EIF2B5: variants seen among roughly 807,000 people sequenced by gnomAD.
The protein encoded by EIF2B5 is eukaryotic translation initiation factor 2B subunit epsilon.
Under a neutral mutation model 87.3 loss-of-function variants are expected in EIF2B5, and 38 were observed. The ratio of observed to expected loss-of-function variants is 0.44; its 90% CI spans 0.34 to 0.57. The LOEUF is 0.57. EIF2B5 is among the 20% of genes least tolerant of loss of function. The pLI is 0.02. For missense variants in EIF2B5, 784 were observed against 909.5 expected (o/e 0.86, Z 1.78); for synonymous variants, 313 against 339.6 (o/e 0.92, Z 0.86).
chr3:184,144,792 G>C, intron 15 of EIF2B5, 85 bp downstream of exon 15: 1 of 1,583,040 alleles, frequency 6.3e-7, no homozygotes, highest in South Asian at 1.1e-5. Flanking sequence ...TTGGTTTCTG[G>C]GGCTCTGGTT....
chr3:184,136,857 T>G (rs1713385097), intron 2 of EIF2B5, 121 bp downstream of exon 2: 2 of 1,413,728 alleles, frequency 1.4e-6, no homozygotes, highest in East Asian at 4.6e-5. Context: ...TCATTGTAAG[T>G]TCTAAGGGTA....
At chr3:184,138,844 TAG>T (rs1403388441) in intron 5 of EIF2B5, 1 of 277,812 alleles carries the variant, frequency 3.6e-6, no homozygotes, top group Non-Finnish European at 7.2e-6. Flanking sequence ...TATTTTTTTG[TAG>T]AGACGGGGTT....
chr3:184,135,558 C>T lies in EIF2B5; in HGVS notation c.173C>T (p.Pro58Leu), dbSNP rs1403605836. The change falls in exon 1 of 16, where the codon CCC becomes CTC. Residue 58 changes from proline to leucine, a missense_variant. Around this residue, in one of 3 missense-constraint regions of EIF2B5, gnomAD observed 117 missense variants for 101.0 expected, o/e 1.16. Coordinates refer to ENST00000648915, the MANE Select transcript of EIF2B5 (RefSeq NM_003907.3). The stretch of plus-strand genomic sequence containing the variant: ...GATAGCTTCGATCGCCGCTTCTTCC[C>T]CATCTCCAAGGACCAGCCTCGGGTG... ...VADSFDRRFF[P>L]ISKDQPRVLL... The T allele has an allele frequency of 1.3e-6, 2 of 1,590,756 alleles. No individual in the cohort carries two copies. Among genetic ancestry groups the T allele is most frequent in the Non-Finnish European group, 1.7e-6 (2 of 1,169,902 alleles).
At chr3:184,143,922 T>G (rs536319390) in intron 13 of EIF2B5, 177 bp from the exon 14 acceptor site, 1 of 993,920 alleles carries the variant, frequency 1.0e-6, no homozygotes, top group Admixed American at 1.8e-5. Context: ...TCACCTTCCC[T>G]AAGGAATCTC....
Position 184,137,784 on chromosome 3 carries a change from C to T in EIF2B5, c.485C>T (p.Thr162Ile). ...GATGTCATCTCAAACATCAATATCA[C>T]CAGAGCCCTTGAGGAACACAGGTCA... ...YGDVISNINI[T>I]RALEEHRLRR... The change falls in exon 3 of 16, where the codon ACC (threonine) becomes ATC (isoleucine). Residue 162 changes from threonine (T) to isoleucine (I), a missense_variant. Around this residue, in one of 3 missense-constraint regions of EIF2B5, gnomAD observed 660 missense variants for 789.5 expected, o/e 0.84. Transcript: ENST00000648915. 2 of 1,614,148 alleles carry T rather than the reference C, an allele frequency of 1.2e-6. No homozygotes were observed. The highest frequency in any genetic ancestry group is 1.6e-4 in the Middle Eastern group (1 of 6,062).
At position 184,140,062 on chromosome 3, in the gene EIF2B5, T is replaced by G. The variant is rs745723448; in HGVS notation, c.766-18T>G. On this transcript the variant is annotated intron_variant, in intron 5 of 15. Coordinates refer to ENST00000648915, the MANE Select transcript of EIF2B5 (RefSeq NM_003907.3). Reference sequence around the variant, plus strand: ...AGAATAGTACTTAATTCTAGCCCACTCCACTTCCCTTCCACAGGTGGCACA... The same window carrying G: ...AGAATAGTACTTAATTCTAGCCCACGCCACTTCCCTTCCACAGGTGGCACA... 51 of 1,577,398 alleles carry G rather than the reference T, an allele frequency of 3.2e-5. No individual in the cohort carries two copies. The highest frequency in any genetic ancestry group is 1.7e-4 in the Middle Eastern group (1 of 5,878).
At chr3:184,141,572 G>GA (rs1022925698) in intron 7 of EIF2B5, among the ~76,000 whole-genome samples, 15 of 151,362 alleles carry the variant, frequency 9.9e-5, no homozygotes, top group African/African-American at 3.6e-4. Flanking sequence ...TGTCTCAAAA[G>GA]AAAAAAAAGA....
rs1305446265 is a variant in EIF2B5, at chr3:184,138,007, G to C, written c.616G>C (p.Asp206His). 25 of 1,614,234 alleles carry C rather than the reference G, an allele frequency of 1.5e-5. No individual in the cohort carries two copies. Among genetic ancestry groups the C allele is most frequent in the Non-Finnish European group, 2.1e-5 (25 of 1,180,038 alleles). The change falls in exon 4 of 16, where the codon GAT (aspartate) becomes CAT (histidine). Residue 206 changes from aspartate to histidine, a missense_variant. Physicochemically the swap from Asp to His is moderately conservative, Grantham distance 81. Transcript: ENST00000648915. ...CGAAGACAATGTGGTAGTGGCTGTGGATAGTACCACAAACAGGGTTCTCCA... is the reference window on the plus strand; with the variant it reads ...CGAAGACAATGTGGTAGTGGCTGTGCATAGTACCACAAACAGGGTTCTCCA... ...CHEDNVVVAV[D>H]STTNRVLHFQ...
At position 184,138,065 on chromosome 3, in the gene EIF2B5, C is replaced by T; in HGVS notation, c.674C>T (p.Ala225Val). The T allele has an allele frequency of 6.2e-7, 1 of 1,614,160 alleles. No homozygotes were observed. The highest frequency in any genetic ancestry group is 8.5e-7 in the Non-Finnish European group (1 of 1,180,032). The change falls in exon 4 of 16, where the codon GCA becomes GTA. Residue 225 changes from alanine (A) to valine (V), a missense_variant. By Grantham distance (64) the Ala-to-Val change is moderately conservative. Around this residue, in one of 3 missense-constraint regions of EIF2B5, gnomAD observed 660 missense variants for 789.5 expected, o/e 0.84. Transcript: ENST00000648915. ...AAGACCCAGGGTCTCCGGCGTTTTG[C>T]ATTTCCTCTGGTGTGTGGATATCTG... ...FQKTQGLRRF[A>V]FPLSLFQGSS...
rs144443995 is a variant in EIF2B5, at chr3:184,137,661, G to A, written c.362G>A (p.Arg121Gln). The change falls in exon 3 of 16, where the codon CGA becomes CAA. Residue 121 changes from arginine (R) to glutamine (Q), a missense_variant. Physicochemically the swap from Arg to Gln is conservative, Grantham distance 43. Coordinates refer to ENST00000648915, the MANE Select transcript of EIF2B5 (RefSeq NM_003907.3). ...CGCCCTACATCTCTCAATGTGGTTC[G>A]AATAATTACATCAGAGCTCTATCGA... The part of the protein sequence containing the change: ...WCRPTSLNVV[R>Q]IITSELYRSL... 520 of 1,614,210 alleles carry A rather than the reference G, an allele frequency of 3.2e-4. No individual in the cohort carries two copies. Among genetic ancestry groups the A allele is most frequent in the Middle Eastern group, 1.6e-3 (10 of 6,062 alleles).
rs143448763 is a variant in EIF2B5, at chr3:184,141,977, G to A, written c.1209G>A (p.Ala403=). The A allele has an allele frequency of 2.0e-5, 33 of 1,614,062 alleles. No individual in the cohort carries two copies. Among genetic ancestry groups the A allele is most frequent in the Middle Eastern group, 1.6e-4 (1 of 6,062 alleles). Residue 403 remains alanine, a synonymous_variant, in exon 8 of 16, where the codon GCG becomes GCA. Transcript: ENST00000648915. ...ACCTGTGGCAGGGTGTTCGAGTGGC[G>A]GCTGGAGCACAGATCCATCAGTCTC... ...QTYLWQGVRV[A]AGAQIHQSLL... is the part of the protein sequence containing the mutation.
In EIF2B5 at chr3:184,142,333, G is replaced by A; in HGVS notation, c.1399G>A (p.Asp467Asn). 6.2e-7 allele frequency: 1 copy of A among 1,614,174 alleles called. No homozygotes were observed. The highest frequency in any genetic ancestry group is 8.5e-7 in the Non-Finnish European group (1 of 1,180,028). The part of the protein sequence containing the change: ...EEDEDDGEFS[D>N]DSGADQEKDK... The stretch of plus-strand genomic sequence containing the variant: ...AGATGAAGATGATGGCGAGTTCAGT[G>A]ATGATTCTGGGGCTGACCAAGAAAA... Residue 467 changes from aspartate (D) to asparagine (N), a missense_variant, in exon 9 of 16, where the codon GAT (aspartate) becomes AAT (asparagine). By Grantham distance (23) the Asp-to-Asn change is conservative (BLOSUM62 1). Transcript: ENST00000648915. This position sits in a 1 kb window ranked among gnomAD's most constrained non-coding sequence, Gnocchi z 5.0.
At chr3:184,136,152 T>C (rs1311587621) in intron 1 of EIF2B5, among the ~76,000 whole-genome samples, 5 of 152,194 alleles carry the variant, frequency 3.3e-5, no homozygotes, top group Admixed American at 3.3e-4. Context: ...AAGAGGGAAC[T>C]GCATTGGATT....
At chr3:184,143,871 G>A (rs1713748297) in intron 13 of EIF2B5, 2 of 723,818 alleles carry the variant, frequency 2.8e-6, no homozygotes, top group Non-Finnish European at 4.6e-6. Flanking sequence ...TCTGGGGTGG[G>A]AATAGGTATT....
At position 184,144,631 on chromosome 3, in the gene EIF2B5, C is replaced by G. The variant is rs768722786; in HGVS notation, c.2030C>G (p.Ala677Gly). 13 of 1,613,984 alleles carry G rather than the reference C, an allele frequency of 8.1e-6. No homozygotes were observed. The highest frequency in any genetic ancestry group is 9.3e-6 in the Non-Finnish European group (11 of 1,180,038). Residue 677 changes from alanine to glycine, a missense_variant, in exon 15 of 16, where the codon GCT (alanine) becomes GGT (glycine). Physicochemically the swap from Ala to Gly is moderately conservative, Grantham distance 60 (BLOSUM62 0). Around this residue, in one of 3 missense-constraint regions of EIF2B5, gnomAD observed 660 missense variants for 789.5 expected, o/e 0.84. Transcript: ENST00000648915. ...GCTTTCTACCAGCTGGAGATCCTGG[C>G]TGAGGAAACAATTCTGAGCTGGTTC... ...LMAFYQLEILAEETILSWFSQ... is the reference protein window; with the variant it reads ...LMAFYQLEILGEETILSWFSQ...
At chr3:184,139,735 T>C (rs1222158004) in intron 5 of EIF2B5, among the ~76,000 whole-genome samples, 3 of 151,388 alleles carry the variant, frequency 2.0e-5, no homozygotes, top group Non-Finnish European at 2.9e-5. Flanking sequence ...TACTTAATCC[T>C]GGCCAAGCGT....
rs141748678 is a variant in EIF2B5 at position 184,136,644 on chromosome 3, T to G, written c.228T>G (p.Ile76Met). 1.2e-6 allele frequency: 2 copies of G among 1,614,230 alleles called. No homozygotes were observed. The highest frequency in any genetic ancestry group is 1.7e-6 in the Non-Finnish European group (2 of 1,180,042). ...TGCCCCTGGCCAATGTGGCATTAAT[T>G]GACTACACTCTGGAATTCCTGACTG... ...VLLPLANVAL[I>M]DYTLEFLTAT... is the part of the protein sequence containing the mutation. The change falls in exon 2 of 16, where the codon ATT becomes ATG. Residue 76 changes from isoleucine (I) to methionine (M), a missense_variant. Physicochemically the swap from Ile to Met is conservative, Grantham distance 10. Transcript: ENST00000648915.
At position 184,135,591 on chromosome 3, in the gene EIF2B5, C is replaced by T; in HGVS notation, c.195+11C>T. The T allele has an allele frequency of 6.3e-7, 1 of 1,578,388 alleles. No individual in the cohort carries two copies. Among genetic ancestry groups the T allele is most frequent in the East Asian group, 2.4e-5 (1 of 42,380 alleles). On this transcript the variant is annotated intron_variant, in intron 1 of 15. Coordinates refer to ENST00000648915, the MANE Select transcript of EIF2B5 (RefSeq NM_003907.3). Reference sequence around the variant, plus strand: ...AAGGACCAGCCTCGGGTGAGCGCCGCGCACGCGAGCAGCCAGAGGGCAGGA... The same window carrying T: ...AAGGACCAGCCTCGGGTGAGCGCCGTGCACGCGAGCAGCCAGAGGGCAGGA...
intron 5 of EIF2B5, 145 bp downstream of exon 5, chr3:184,138,391 C>T (rs1577030469): frequency 4.8e-6 from 4 of 834,838 alleles, no homozygotes; most frequent in Non-Finnish European, 7.7e-6. Context: ...GAGTCTCGCT[C>T]TGTTGCCCAG....
Sources: gnomAD v4.1 joint callset for allele counts (sites outside exome capture counted in the v4.1 genomes callset) on GRCh38, gnomAD v4.1.1 for gene constraint, gnomAD v4.1.1 regional missense constraint, Gnocchi (gnomAD v3.1) non-coding constraint, MANE v1.5 for transcripts, NCBI Gene and HGNC (gene_info 2026-07-23, HGNC 2026-07-21) for gene names.